Variants in NOCT observed in about 807,000 individuals in gnomAD.
NOCT encodes the protein CCR4 carbon catabolite repression 4-like.
Under a neutral mutation model 35.0 loss-of-function variants are expected in NOCT, and 18 were observed. The ratio of observed to expected loss-of-function variants is 0.51; its 90% CI spans 0.36 to 0.76. The LOEUF (loss-of-function observed/expected upper bound fraction) is 0.76. Ranked by LOEUF, NOCT falls within the 30% of genes least tolerant of loss-of-function variation. The probability of loss-of-function intolerance (pLI) is 0.01; values close to 1 mark genes in which losing one functional copy is unlikely to be tolerated. For missense variants in NOCT, 479 were observed against 541.0 expected, an observed-to-expected ratio of 0.89 and a Z score of 1.14; for synonymous variants, 235 against 226.3, an observed-to-expected ratio of 1.04 and a Z score of -0.34.
chr4:139,041,759 C>CAGCTT (rs1454461961), intron 1 of NOCT, among the ~76,000 whole-genome samples: 1 of 152,176 alleles, frequency 6.6e-6, no homozygotes, highest in East Asian at 1.9e-4. Context: ...TGAACAAAAT[C>CAGCTT]AGCTTACTCT....
intron 1 of NOCT, among the ~76,000 whole-genome samples, chr4:139,040,208 T>TG (rs1376853320): frequency 6.7e-6 from 1 of 149,770 alleles, no homozygotes; most frequent in Non-Finnish European, 1.5e-5. Flanking sequence ...AATTTTTTTT[T>TG]TTTTGTATTT....
intron 1 of NOCT, among the ~76,000 whole-genome samples, chr4:139,021,000 G>A (rs1351270366): frequency 6.6e-6 from 1 of 150,668 alleles, no homozygotes; most frequent in Non-Finnish European, 1.5e-5. Flanking sequence ...CCAGGAGGCG[G>A]AGGTATCAGT....
chr4:139,018,156 C>A (rs1034262557), intron 1 of NOCT, among the ~76,000 whole-genome samples: 1 of 147,466 alleles, frequency 6.8e-6, no homozygotes, highest in African/African-American at 2.5e-5. Context: ...AGTATATTGC[C>A]TGATAACTTT....
chr4:139,020,654 CAG>C (rs1384367979), intron 1 of NOCT, among the ~76,000 whole-genome samples: 3 of 152,150 alleles, frequency 2.0e-5, no homozygotes, highest in Non-Finnish European at 2.9e-5. Flanking sequence ...ACAAGTGCCT[CAG>C]GGGATTCTTC....
chr4:139,016,655 T>G (rs1347423883), intron 1 of NOCT, among the ~76,000 whole-genome samples: 12 of 124,502 alleles, frequency 9.6e-5, no homozygotes, highest in African/African-American at 2.5e-4. Flanking sequence ...TTTTTTTTTT[T>G]TTTTTTTTTT....
At position 139,045,577 on chromosome 4, in the gene NOCT, C is replaced by G; in HGVS notation, c.*103C>G. 2 of 637,738 alleles carry G rather than the reference C, an allele frequency of 3.1e-6. No homozygotes were observed. Among genetic ancestry groups the G allele is most frequent in the Non-Finnish European group, 2.5e-6 (1 of 408,124 alleles). 39.5% of individuals were successfully genotyped at this position (637,738 alleles called of 1,614,324 possible). ...TGTTGCCTAGGCTGGAGTACAGTGG[C>G]CTGATCTCGGCTCACTGCAAGATCC... On this transcript the variant is annotated 3_prime_UTR_variant, in exon 3 of 3. Coordinates refer to ENST00000280614, the MANE Select transcript of NOCT (RefSeq NM_012118.4).
chr4:139,029,022 A>G (rs1157259394), intron 1 of NOCT, among the ~76,000 whole-genome samples: 1 of 150,554 alleles, frequency 6.6e-6, no homozygotes, highest in Non-Finnish European at 1.5e-5. Flanking sequence ...TATTTTTAAT[A>G]GAGACGTGGT....
At position 139,018,176 on chromosome 4, in the gene NOCT, G is replaced by A. The variant is rs556599213; in HGVS notation, c.190+2005G>A. ...ATTGCCTGATAACTTTTTTCTTGCT[G>A]GAAATTTTAAGAACAACATTGTTAG... On this transcript the variant is annotated intron_variant, in intron 1 of 2. Transcript: ENST00000280614. Among the ~76,000 whole-genome samples the A allele has an allele frequency of 6.4e-5, 9 of 141,150 alleles. 1 individual carries two copies. In the South Asian group the frequency reaches 2.0e-3, roughly 31 times the overall value. 92.6% of individuals were successfully genotyped at this position (141,150 alleles called of 152,430 possible).
At chr4:139,034,960 C>G (rs1187546311) in intron 1 of NOCT, among the ~76,000 whole-genome samples, 4 of 152,168 alleles carry the variant, frequency 2.6e-5, no homozygotes, top group Non-Finnish European at 4.4e-5. Context: ...TCAATTCAGT[C>G]TTTTCTGTGC....
chr4:139,037,261 G>A (rs1397588572), intron 1 of NOCT, among the ~76,000 whole-genome samples: 1 of 152,086 alleles, frequency 6.6e-6, no homozygotes, highest in African/African-American at 2.4e-5. Context: ...TTTCTCAGAC[G>A]TGCTCATCTA....
chr4:139,043,471 C>A, intron 2 of NOCT, 128 bp downstream of exon 2: 2 of 845,862 alleles, frequency 2.4e-6, no homozygotes, highest in Non-Finnish European at 3.8e-6. Flanking sequence ...ACTGCAGCAG[C>A]ATGGAGAGCT....
In NOCT at chr4:139,045,877, A is replaced by G. The variant is rs77121168; in HGVS notation, c.*403A>G. 0.013 allele frequency: 2,001 copies of G among 156,310 alleles called. 20 individuals are homozygous for G. The highest frequency in any genetic ancestry group is 0.019 in the Non-Finnish European group (1,370 of 70,614). The allele number at this position is 156,310 out of a possible 1,614,324, so 9.7% of individuals were successfully genotyped here. ...TCTGCGTTTCCAGCATGCCCTTGGA[A>G]AAGACTCCCTTTAGTCCCTTTTTCA... On this transcript the variant is annotated 3_prime_UTR_variant, in exon 3 of 3. Coordinates refer to ENST00000280614, the MANE Select transcript of NOCT (RefSeq NM_012118.4).
rs939949999 is a variant in NOCT at position 139,043,243 on chromosome 4, C to T, written c.360C>T (p.Thr120=). 3.1e-6 allele frequency: 5 copies of T among 1,614,046 alleles called. No homozygotes were observed. Among genetic ancestry groups the T allele is most frequent in the Non-Finnish European group, 4.2e-6 (5 of 1,180,034 alleles). Residue 120 remains threonine (T), a synonymous_variant, in exon 2 of 3, where the codon ACC becomes ACT. Transcript: ENST00000280614. ...LLEECRAVLH[T]RPPRFQRDFV... The stretch of plus-strand genomic sequence containing the variant: ...AGGAATGCAGGGCCGTCCTGCACAC[C>T]CGACCTCCCCGGTTCCAGAGGGATT...
chr4:139,036,559 T>C (rs1277938769), intron 1 of NOCT, among the ~76,000 whole-genome samples: 2 of 152,358 alleles, frequency 1.3e-5, no homozygotes, highest in Non-Finnish European at 2.9e-5. Flanking sequence ...CTGGTTACTC[T>C]TATCCATCCT....
chr4:139,024,031 C>G (rs958821451), intron 1 of NOCT, among the ~76,000 whole-genome samples: 1 of 145,582 alleles, frequency 6.9e-6, no homozygotes, highest in Non-Finnish European at 1.5e-5. Flanking sequence ...ATCTATCCTC[C>G]GTGTCTATTC....
intron 1 of NOCT, among the ~76,000 whole-genome samples, chr4:139,025,891 G>C (rs745322131): frequency 2.6e-5 from 4 of 151,898 alleles, no homozygotes; most frequent in East Asian, 1.9e-4. Context: ...CTACTTTGCT[G>C]TCTTGGCCTA....
At chr4:139,021,764 G>GT (rs11421077) in intron 1 of NOCT, among the ~76,000 whole-genome samples, 137,296 of 143,812 alleles carry the variant, frequency 0.95, 65,601 homozygotes, top group East Asian at 0.99. Context: ...AGTTTTTCTG[G>GT]TTTTTTTTTT....
In NOCT at chr4:139,016,638, GTTGTTTT is replaced by G. The variant is rs1236553249; in HGVS notation, c.190+470_190+476del. Reference sequence around the variant, plus strand: ...ATAATAACACATTGATTCGTTTTACGTTGTTTTTTTTTTTTTTTTTTTTTTTTTTTTT... The same window carrying G: ...ATAATAACACATTGATTCGTTTTACGTTTTTTTTTTTTTTTTTTTTTTTTT... On this transcript the variant is annotated intron_variant, in intron 1 of 2. Transcript: ENST00000280614. 6.1e-3 allele frequency among the ~76,000 whole-genome samples: 311 copies of G among 50,826 alleles called. 12 individuals carry two copies. Among genetic ancestry groups the G allele is most frequent in the African/African-American group, 0.02 (292 of 14,436 alleles). 33.3% of individuals were successfully genotyped at this position (50,826 alleles called of 152,430 possible).
chr4:139,024,497 GTC>G (rs1726477280), intron 1 of NOCT, among the ~76,000 whole-genome samples: 1 of 152,070 alleles, frequency 6.6e-6, no homozygotes, highest in Admixed American at 6.6e-5. Flanking sequence ...TGTCTATAAT[GTC>G]TCTCGTACTT....
Sources: gnomAD v4.1 joint callset for allele counts (sites outside exome capture counted in the v4.1 genomes callset) on GRCh38, gnomAD v4.1.1 for gene constraint, MANE v1.5 for transcripts, NCBI Gene and HGNC (gene_info 2026-07-23, HGNC 2026-07-21) for gene names.